Variants in MRTFA observed in about 807,000 individuals in gnomAD.
MRTFA encodes the protein myocardin-related transcription factor A.
MRTFA carries 20 observed loss-of-function variants against 83.5 expected under a neutral mutation model. The observed-to-expected ratio is 0.24, with a 90% confidence interval of 0.17 to 0.35. The LOEUF (loss-of-function observed/expected upper bound fraction) is 0.35, where lower values mean the gene tolerates loss of function less well. Among genes scored for constraint, MRTFA ranks in the 10% least tolerant of loss-of-function variants. The pLI is 1.00. For missense variants in MRTFA, 1,200 were observed against 1,224.7 expected (o/e 0.98, Z 0.30); for synonymous variants, 659 against 541.2 (o/e 1.22, Z -3.02).
At position 40,429,593 on chromosome 22, in the gene MRTFA, G is replaced by A. The variant is rs1569259902; in HGVS notation, c.601+13C>T. The A allele has an allele frequency of 6.2e-7, 1 of 1,614,036 alleles. No individual in the cohort carries two copies. The highest frequency in any genetic ancestry group is 1.7e-5 in the Admixed American group (1 of 60,000). The stretch of plus-strand genomic sequence containing the variant: ...CAGCTGCCTCTCACACAGGGTGGCT[G>A]GGTCCTCCTCACCAATGATGGCTTC... On this transcript the variant is annotated intron_variant, in intron 7 of 14. Transcript: ENST00000355630.
intron 3 of MRTFA, among the ~76,000 whole-genome samples, chr22:40,549,356 T>A (rs533175435): frequency 6.6e-6 from 1 of 152,094 alleles, no homozygotes; most frequent in Non-Finnish European, 1.5e-5. Flanking sequence ...AATGGAAAAA[T>A]AAATTGCATT....
At chr22:40,449,257 ACTCGGT>A (rs1348025690) in intron 4 of MRTFA, among the ~76,000 whole-genome samples, 32 of 147,162 alleles carry the variant, frequency 2.2e-4, no homozygotes, top group African/African-American at 7.5e-4. Context: ...ACAGAACGAG[ACTCGGT>A]CTCCAAACGA....
chr22:40,462,281 T>A (rs776322157), intron 4 of MRTFA, among the ~76,000 whole-genome samples: 2 of 152,214 alleles, frequency 1.3e-5, no homozygotes, highest in African/African-American at 4.8e-5. Flanking sequence ...GAGCAAGAGC[T>A]GGATTTATCT....
chr22:40,575,830 T>C (rs1039788775), intron 2 of MRTFA, among the ~76,000 whole-genome samples: 2 of 152,164 alleles, frequency 1.3e-5, no homozygotes, highest in Non-Finnish European at 2.9e-5. Context: ...CTAATATTTA[T>C]CCCGATGAGT....
intron 3 of MRTFA, among the ~76,000 whole-genome samples, chr22:40,465,122 GCATT>G (rs1476261485): frequency 3.3e-5 from 5 of 152,134 alleles, no homozygotes; most frequent in Non-Finnish European, 1.5e-5. Flanking sequence ...TCACTCCACA[GCATT>G]CAGTTACTCT....
At chr22:40,423,375 T>C (rs1477141321) in intron 9 of MRTFA, among the ~76,000 whole-genome samples, 161 bp downstream of exon 9, 1 of 152,092 alleles carries the variant, frequency 6.6e-6, no homozygotes, top group Non-Finnish European at 1.5e-5. Context: ...CAACAGCCAG[T>C]GTCATGATGG....
intron 1 of MRTFA, among the ~76,000 whole-genome samples, chr22:40,612,874 G>A (rs925496113): frequency 5.3e-5 from 8 of 152,136 alleles, no homozygotes; most frequent in Admixed American, 5.2e-4. Context: ...TTGAGCACAG[G>A]AGGTCGAGCC....
intron 3 of MRTFA, among the ~76,000 whole-genome samples, chr22:40,473,140 C>T (rs1206426600): frequency 6.6e-6 from 1 of 151,994 alleles, no homozygotes; most frequent in Non-Finnish European, 1.5e-5. Flanking sequence ...CAGTGTAGTA[C>T]ATTTACTAAT....
intron 3 of MRTFA, chr22:40,533,689 C>A: frequency 9.0e-7 from 1 of 1,113,562 alleles, no homozygotes; most frequent in South Asian, 4.6e-5. Context: ...AAGTCAAAGT[C>A]ACAGGAGAAA....
intron 5 of MRTFA, among the ~76,000 whole-genome samples, 193 bp from the exon 6 acceptor site, chr22:40,431,673 G>A (rs2053071728): frequency 6.6e-6 from 1 of 152,096 alleles, no homozygotes; most frequent in South Asian, 2.1e-4. Flanking sequence ...AACTGCACCT[G>A]CCAAGGAAGG....
intron 6 of MRTFA, among the ~76,000 whole-genome samples, chr22:40,430,038 G>A (rs1375820146): frequency 6.6e-6 from 1 of 152,172 alleles, no homozygotes; most frequent in East Asian, 1.9e-4. Context: ...CTACAGAATG[G>A]AAGCAGCAAC....
At chr22:40,513,547 GCCAAGATCACA>G (rs925753014) in intron 3 of MRTFA, among the ~76,000 whole-genome samples, 1 of 146,770 alleles carries the variant, frequency 6.8e-6, no homozygotes, top group African/African-American at 2.5e-5. Flanking sequence ...GTTGCAGTGA[GCCAAGATCACA>G]CCATTGCACT....
chr22:40,426,696 T>TGG (rs2052961204), intron 7 of MRTFA, among the ~76,000 whole-genome samples: 1 of 152,124 alleles, frequency 6.6e-6, no homozygotes, highest in African/African-American at 2.4e-5. Context: ...TGCTATAGTG[T>TGG]GGGTACTTCC....
intron 3 of MRTFA, among the ~76,000 whole-genome samples, chr22:40,481,789 G>A (rs1371020967): frequency 5.9e-5 from 9 of 152,212 alleles, no homozygotes; most frequent in South Asian, 2.1e-4. Flanking sequence ...GACCAGGCGC[G>A]GTGGCTCACG....
At chr22:40,436,936 TCCACCCCCAGCGGGGGG>T (rs2053181680) in intron 4 of MRTFA, among the ~76,000 whole-genome samples, 1 of 151,984 alleles carries the variant, frequency 6.6e-6, no homozygotes, top group Admixed American at 6.6e-5. Flanking sequence ...CTCCTTCCTC[TCCACCCCCAGCGGGGGG>T]CTGGGCCTCA....
At chr22:40,528,750 A>AC (rs1335505541) in intron 3 of MRTFA, among the ~76,000 whole-genome samples, 1 of 152,072 alleles carries the variant, frequency 6.6e-6, no homozygotes, top group African/African-American at 2.4e-5. Flanking sequence ...AAAAAAAAAA[A>AC]AAAAAAGTAT....
Position 40,491,076 on chromosome 22 carries a change from C to T in MRTFA, c.242-27790G>A, listed in dbSNP as rs2054264610. 2.0e-5 allele frequency among the ~76,000 whole-genome samples: 3 copies of T among 152,144 alleles called. No homozygotes were observed. The South Asian group carries it at 6.2e-4, about 31-fold the overall frequency. On this transcript the variant is annotated intron_variant, in intron 3 of 14. Transcript: ENST00000355630. ...CTATGAAAGAAGCCGAGCACGGTGG[C>T]TCACACCTGTAATCCCAGCACTTTG...
intron 3 of MRTFA, among the ~76,000 whole-genome samples, chr22:40,524,448 A>G (rs776586530): frequency 2.0e-5 from 3 of 152,248 alleles, no homozygotes; most frequent in Non-Finnish European, 4.4e-5. Context: ...GAGGTTCAGC[A>G]AATTGAGAGT....
At chr22:40,616,067 A>T (rs2056446839) in intron 1 of MRTFA, among the ~76,000 whole-genome samples, 1 of 152,240 alleles carries the variant, frequency 6.6e-6, no homozygotes, top group Admixed American at 6.5e-5. Context: ...CATTTTTAAA[A>T]TTTAAATTGT....
Sources: allele counts gnomAD v4.1 joint callset (sites outside exome capture counted in the v4.1 genomes callset), GRCh38; gene constraint gnomAD v4.1.1; transcripts MANE v1.5; gene names NCBI Gene and HGNC (gene_info 2026-07-23, HGNC 2026-07-21).